Variants in GPM6A observed in about 807,000 individuals in gnomAD.
GPM6A encodes the protein glycoprotein M6A.
Under a neutral mutation model 32.1 loss-of-function variants are expected in GPM6A, and 7 were observed. That is an observed-to-expected ratio of 0.22 (90% CI 0.12 to 0.41). The LOEUF (loss-of-function observed/expected upper bound fraction) is 0.41. Ranked by LOEUF, GPM6A falls within the 10% of genes least tolerant of loss-of-function variation. The pLI, the probability that GPM6A is intolerant of heterozygous loss-of-function variation, is 1.00. For missense variants in GPM6A, 235 were observed against 347.2 expected (o/e 0.68, Z 2.57); for synonymous variants, 130 against 123.4 (o/e 1.05, Z -0.35).
intron 1 of GPM6A, among the ~76,000 whole-genome samples, chr4:175,966,556 T>A (rs1226583071): frequency 1.3e-5 from 2 of 151,798 alleles, no homozygotes; most frequent in East Asian, 3.9e-4. Flanking sequence ...TGAATGGAAT[T>A]AGTGCCCTTA....
chr4:175,812,161 A>G (rs767681711), intron 1 of GPM6A, 30 bp downstream of exon 1: 23 of 1,463,310 alleles, frequency 1.6e-5, no homozygotes, highest in Non-Finnish European at 2.2e-5. Flanking sequence ...ATAATTACTT[A>G]GTTACAAATA....
chr4:175,804,315 C>T (rs1485275286), intron 1 of GPM6A, among the ~76,000 whole-genome samples: 3 of 152,242 alleles, frequency 2.0e-5, no homozygotes, highest in East Asian at 1.9e-4. Context: ...AAATTTTTAA[C>T]TAGAAAAATG....
At chr4:175,763,641 T>G (rs1481584516) in intron 1 of GPM6A, among the ~76,000 whole-genome samples, 2 of 152,198 alleles carry the variant, frequency 1.3e-5, no homozygotes, top group Non-Finnish European at 2.9e-5. Context: ...GTAGGCTCTT[T>G]ACTTAACAAT....
intron 1 of GPM6A, among the ~76,000 whole-genome samples, chr4:175,752,731 C>T: frequency 6.6e-6 from 1 of 152,208 alleles, no homozygotes; most frequent in Non-Finnish European, 1.5e-5. Flanking sequence ...AGGACAAAGA[C>T]CTCTTCCTGC....
At chr4:175,880,785 G>T (rs1354449511) in intron 1 of GPM6A, among the ~76,000 whole-genome samples, 3 of 152,132 alleles carry the variant, frequency 2.0e-5, no homozygotes, top group Non-Finnish European at 4.4e-5. Context: ...GAGATTTTGG[G>T]CTGAGACGAT....
At chr4:175,654,692 C>G (rs981702158) in intron 3 of GPM6A, among the ~76,000 whole-genome samples, 26 of 152,194 alleles carry the variant, frequency 1.7e-4, no homozygotes, top group Admixed American at 5.9e-4. Context: ...TCTTGGAAAC[C>G]ACCCTGAAAG....
At chr4:175,820,991 C>T (rs1331166079) in intron 1 of GPM6A, among the ~76,000 whole-genome samples, 1 of 152,000 alleles carries the variant, frequency 6.6e-6, no homozygotes, top group Non-Finnish European at 1.5e-5. Context: ...AAAATTTTCC[C>T]TACAAGTCTG....
intron 1 of GPM6A, among the ~76,000 whole-genome samples, chr4:175,704,818 T>C (rs1560886118): frequency 1.3e-5 from 2 of 152,150 alleles, no homozygotes; most frequent in Non-Finnish European, 1.5e-5. Flanking sequence ...AGTTCATATA[T>C]GAAGAGTTCA....
upstream of GPM6A, among the ~76,000 whole-genome samples, chr4:175,815,094 T>C (rs1579533781): frequency 6.6e-6 from 1 of 152,182 alleles, no homozygotes; most frequent in Non-Finnish European, 1.5e-5. Context: ...CACTGCAACT[T>C]CTGCCTCCAG....
intron 1 of GPM6A, among the ~76,000 whole-genome samples, chr4:175,901,909 T>G (rs1254137854): frequency 1.3e-5 from 2 of 152,108 alleles, no homozygotes; most frequent in African/African-American, 2.4e-5. Flanking sequence ...ATTACAGGTG[T>G]GAGCCACCAT....
chr4:175,773,312 C>G (rs1466294567), intron 1 of GPM6A, among the ~76,000 whole-genome samples: 1 of 152,198 alleles, frequency 6.6e-6, no homozygotes, highest in Non-Finnish European at 1.5e-5. Context: ...CTTATATACT[C>G]AAAGCCTTAA....
chr4:175,752,846 C>T (rs1320630108), intron 1 of GPM6A, among the ~76,000 whole-genome samples: 1 of 152,152 alleles, frequency 6.6e-6, no homozygotes, highest in Admixed American at 6.6e-5. Context: ...CAACAGCTTA[C>T]TTCATGAAGC....
At chr4:175,918,782 A>G (rs1176014812) in intron 1 of GPM6A, among the ~76,000 whole-genome samples, 1 of 152,154 alleles carries the variant, frequency 6.6e-6, no homozygotes, top group Non-Finnish European at 1.5e-5. Flanking sequence ...TCTTTTAACA[A>G]TTTGTGAAAC....
At chr4:175,925,630 G>T (rs1242756427) in intron 1 of GPM6A, among the ~76,000 whole-genome samples, 3 of 152,040 alleles carry the variant, frequency 2.0e-5, no homozygotes, top group African/African-American at 4.8e-5. Context: ...GTGAATACAA[G>T]TCTTATTGTA....
rs1429946832 is a variant in GPM6A, at chr4:175,634,326, A to T, written c.*579T>A. ...TTTTTTTTTTAAACCTACTCTTACA[A>T]ATTTAGAAATTGCACCTTAGATTGA... On this transcript the variant is annotated 3_prime_UTR_variant, in exon 7 of 7. Coordinates refer to ENST00000393658, the MANE Select transcript of GPM6A (RefSeq NM_201591.3). 6.6e-6 allele frequency: 1 copy of T among 152,512 alleles called. No individual in the cohort carries two copies. Among genetic ancestry groups the T allele is most frequent in the Non-Finnish European group, 1.5e-5 (1 of 68,000 alleles). 9.4% of individuals were successfully genotyped at this position (152,512 alleles called of 1,614,324 possible). A position where few individuals can be genotyped will look rare whatever the true frequency, so the allele number is the denominator to read the frequency against.
At chr4:175,681,750 G>T (rs563147909) in intron 2 of GPM6A, among the ~76,000 whole-genome samples, 3 of 152,112 alleles carry the variant, frequency 2.0e-5, no homozygotes, top group Non-Finnish European at 4.4e-5. Flanking sequence ...TAGAAACCAA[G>T]CAGATGCCAG....
chr4:175,737,086 T>A (rs1731691477), intron 1 of GPM6A, among the ~76,000 whole-genome samples: 1 of 152,194 alleles, frequency 6.6e-6, no homozygotes, highest in Non-Finnish European at 1.5e-5. Flanking sequence ...ATTAGTCATG[T>A]CAATAGTAGA....
intron 1 of GPM6A, among the ~76,000 whole-genome samples, chr4:175,818,292 C>A (rs1735171331): frequency 6.6e-6 from 1 of 152,162 alleles, no homozygotes; most frequent in South Asian, 2.1e-4. Context: ...TCCTTCCACC[C>A]TCAGATAGCT....
At chr4:175,840,269 G>T (rs1191644319) in intron 1 of GPM6A, among the ~76,000 whole-genome samples, 3 of 152,086 alleles carry the variant, frequency 2.0e-5, no homozygotes, top group Non-Finnish European at 4.4e-5. Context: ...TAGTGAGTTA[G>T]AAAAAAGGGG....
Sources: allele counts gnomAD v4.1 joint callset (sites outside exome capture counted in the v4.1 genomes callset), GRCh38; gene constraint gnomAD v4.1.1; transcripts MANE v1.5; gene names NCBI Gene and HGNC (gene_info 2026-07-23, HGNC 2026-07-21).